The following TSHZ2 variants were observed in gnomAD, a reference collection of about 807,000 sequenced individuals.
TSHZ2 encodes the protein teashirt zinc finger homeobox 2, also known as teashirt homolog 2.
TSHZ2 carries 21 observed loss-of-function variants against 74.4 expected under a neutral mutation model. The ratio of observed to expected loss-of-function variants is 0.28; its 90% CI spans 0.20 to 0.41. TSHZ2 has a LOEUF of 0.41. TSHZ2 is among the 10% of genes least tolerant of loss of function. The probability of loss-of-function intolerance (pLI) is 1.00; values close to 1 mark genes in which losing one functional copy is unlikely to be tolerated. For synonymous variants in TSHZ2, 540 were observed against 515.3 expected (o/e 1.05, Z -0.65); for missense variants, 1,244 against 1,293.5 (o/e 0.96, Z 0.59).
intron 1 of TSHZ2, among the ~76,000 whole-genome samples, chr20:53,066,496 CTTGT>C (rs990930215): frequency 1.3e-5 from 2 of 151,918 alleles, no homozygotes; most frequent in Non-Finnish European, 2.9e-5. Context: ...GAAGCTGTTT[CTTGT>C]TTGTTTTTGT....
intron 1 of TSHZ2, among the ~76,000 whole-genome samples, chr20:53,001,224 G>GTGTGTGTGTGTA (rs1555813603): frequency 3.4e-5 from 5 of 147,738 alleles, no homozygotes; most frequent in South Asian, 2.2e-4. Context: ...GTGTGTGTGT[G>GTGTGTGTGTGTA]TGTGTGTGTG....
chr20:53,203,329 G>T (rs1366993766), intron 1 of TSHZ2, among the ~76,000 whole-genome samples: 1 of 151,740 alleles, frequency 6.6e-6, no homozygotes, highest in Admixed American at 6.6e-5. Context: ...TGAGTAGCAG[G>T]GATTATAGGC....
chr20:53,371,899 A>T (rs1416423015), intron 2 of TSHZ2, among the ~76,000 whole-genome samples: 2 of 150,852 alleles, frequency 1.3e-5, no homozygotes, highest in African/African-American at 4.9e-5. Flanking sequence ...GAAAAAAAAA[A>T]GAGTCAGCAG....
intron 1 of TSHZ2, among the ~76,000 whole-genome samples, chr20:53,121,637 T>A (rs1043093677): frequency 6.6e-6 from 1 of 152,238 alleles, no homozygotes; most frequent in Admixed American, 6.5e-5. Flanking sequence ...AATCTGGATG[T>A]CTTTCATTGA....
intron 1 of TSHZ2, among the ~76,000 whole-genome samples, chr20:53,246,627 A>G (rs1464541179): frequency 6.6e-6 from 1 of 152,198 alleles, no homozygotes; most frequent in African/African-American, 2.4e-5. Flanking sequence ...CGAAAGTCCT[A>G]GTGAAACTCC....
intron 2 of TSHZ2, among the ~76,000 whole-genome samples, chr20:53,268,579 A>G (rs1022097673): frequency 2.0e-5 from 3 of 152,170 alleles, no homozygotes; most frequent in Non-Finnish European, 4.4e-5. Context: ...TTTCCCTGTG[A>G]TGAGTCTTGG....
chr20:52,990,052 T>C (rs1014861069), intron 1 of TSHZ2, among the ~76,000 whole-genome samples: 2 of 152,236 alleles, frequency 1.3e-5, no homozygotes, highest in South Asian at 2.1e-4. Flanking sequence ...CCTCTGTTAA[T>C]AGACATTTAG....
chr20:53,349,054 A>G (rs1980545699), intron 2 of TSHZ2, among the ~76,000 whole-genome samples: 1 of 152,156 alleles, frequency 6.6e-6, no homozygotes, highest in Non-Finnish European at 1.5e-5. Context: ...AAAGGCTAAA[A>G]TCTCTCTGCA....
intron 2 of TSHZ2, among the ~76,000 whole-genome samples, chr20:53,416,574 T>TA (rs1252437634): frequency 2.0e-5 from 3 of 152,242 alleles, no homozygotes; most frequent in African/African-American, 4.8e-5. Flanking sequence ...ACCCATCGTT[T>TA]ACATATTGCT....
chr20:53,273,825 G>A (rs1337892136), intron 2 of TSHZ2, among the ~76,000 whole-genome samples: 2 of 152,154 alleles, frequency 1.3e-5, no homozygotes, highest in East Asian at 1.9e-4. Flanking sequence ...AAGAAGACAC[G>A]TGTTCATGGG....
intron 1 of TSHZ2, among the ~76,000 whole-genome samples, chr20:53,135,762 C>T (rs1401014487): frequency 1.3e-5 from 2 of 151,756 alleles, no homozygotes; most frequent in Admixed American, 1.3e-4. Flanking sequence ...ACCACCATGC[C>T]CAGCTAATGT....
rs547900019 is a variant in TSHZ2 at position 53,334,495 on chromosome 20, G to C, written c.*8+77924G>C. On this transcript the variant is annotated intron_variant, in intron 2 of 2. Coordinates refer to ENST00000371497, the MANE Select transcript of TSHZ2 (RefSeq NM_173485.6). ...GGGGTCTGCATGGCTGAAGCAGGAT[G>C]GGGGAGGCAGGGCACTGCGGTCAAA... Among the ~76,000 whole-genome samples the C allele has an allele frequency of 3.9e-5, 6 of 152,234 alleles. No homozygotes were observed. In the South Asian group the frequency reaches 1.0e-3, roughly 26 times the overall value.
At chr20:53,307,811 C>T (rs956173375) in intron 2 of TSHZ2, among the ~76,000 whole-genome samples, 11 of 151,156 alleles carry the variant, frequency 7.3e-5, no homozygotes, top group Non-Finnish European at 2.9e-5. Context: ...AGAGGTGATT[C>T]TAATGTGATC....
chr20:53,388,761 A>G (rs1982144416), intron 2 of TSHZ2, among the ~76,000 whole-genome samples: 1 of 151,862 alleles, frequency 6.6e-6, no homozygotes, highest in South Asian at 2.1e-4. Flanking sequence ...TTGTATTTTT[A>G]GTAGAGATGG....
At chr20:52,987,025 G>A (rs955778070) in intron 1 of TSHZ2, among the ~76,000 whole-genome samples, 1 of 152,158 alleles carries the variant, frequency 6.6e-6, no homozygotes, top group East Asian at 1.9e-4. Flanking sequence ...AGGTGCAGAA[G>A]AAGCTGTGAG....
At chr20:53,292,449 T>TTG (rs983133921) in intron 2 of TSHZ2, among the ~76,000 whole-genome samples, 2 of 48,574 alleles carry the variant, frequency 4.1e-5, no homozygotes, top group African/African-American at 2.7e-4. Flanking sequence ...AACCACCTAT[T>TTG]TTTTTTTTTT....
intron 1 of TSHZ2, among the ~76,000 whole-genome samples, chr20:53,220,317 C>T (rs747661409): frequency 1.3e-5 from 2 of 152,308 alleles, no homozygotes; most frequent in East Asian, 1.9e-4. Flanking sequence ...TACATACACA[C>T]GTTCATACAC....
At chr20:53,366,115 T>C (rs1166654774) in intron 2 of TSHZ2, among the ~76,000 whole-genome samples, 1 of 152,202 alleles carries the variant, frequency 6.6e-6, no homozygotes, top group Non-Finnish European at 1.5e-5. Context: ...GTTGAAATAG[T>C]CTGAGTGCCT....
intron 1 of TSHZ2, among the ~76,000 whole-genome samples, chr20:53,151,195 GAGCTGGGTACATAACA>G (rs1444690546): frequency 2.6e-5 from 4 of 152,136 alleles, no homozygotes; most frequent in Non-Finnish European, 4.4e-5. Context: ...ATAGAATTGG[GAGCTGGGTACATAACA>G]AGCCCATCCC....
Sources: allele counts gnomAD v4.1 joint callset (sites outside exome capture counted in the v4.1 genomes callset), GRCh38; gene constraint gnomAD v4.1.1; transcripts MANE v1.5; gene names NCBI Gene and HGNC (gene_info 2026-07-23, HGNC 2026-07-21).